HDAC5: variants seen among roughly 807,000 people sequenced by gnomAD.
The protein encoded by HDAC5 is antigen NY-CO-9.
In HDAC5, 25 loss-of-function variants were observed where a neutral mutation model predicts 133.3. The observed-to-expected ratio is 0.19, with a 90% confidence interval of 0.14 to 0.26. The LOEUF (loss-of-function observed/expected upper bound fraction) is 0.26. HDAC5 is among the 10% of genes least tolerant of loss of function. The probability of loss-of-function intolerance (pLI) is 1.00; values close to 1 mark genes in which losing one functional copy is unlikely to be tolerated. For missense variants in HDAC5, 1,041 were observed against 1,460.5 expected (o/e 0.71, Z 4.68); for synonymous variants, 589 against 610.8 (o/e 0.96, Z 0.53).
At chr17:44,093,893 C>G in intron 3 of HDAC5, 59 bp from the exon 4 acceptor site, 1 of 1,439,358 alleles carries the variant, frequency 6.9e-7, no homozygotes, top group African/African-American at 1.4e-5. Context: ...CCAGTCATGC[C>G]TGAGGCCCAA....
At chr17:44,120,840 A>G (rs1046373233) in intron 1 of HDAC5, among the ~76,000 whole-genome samples, 1 of 151,672 alleles carries the variant, frequency 6.6e-6, no homozygotes, top group African/African-American at 2.4e-5. Flanking sequence ...ACAGCCTACC[A>G]CTTTCCTCAG....
intron 11 of HDAC5, among the ~76,000 whole-genome samples, chr17:44,090,851 G>A (rs981937882): frequency 3.3e-5 from 5 of 151,580 alleles, no homozygotes; most frequent in African/African-American, 4.8e-5. Context: ...CACCACGCCC[G>A]GCTAATTTTT....
At chr17:44,087,262 C>T (rs1218692622) in intron 13 of HDAC5, 150 bp downstream of exon 13, 3 of 592,518 alleles carry the variant, frequency 5.1e-6, no homozygotes, top group African/African-American at 1.8e-5. Context: ...CACCGGCCTC[C>T]TTCCCACTCC....
At chr17:44,099,040 C>T (rs868643866) in intron 3 of HDAC5, among the ~76,000 whole-genome samples, 9 of 152,054 alleles carry the variant, frequency 5.9e-5, no homozygotes, top group Non-Finnish European at 1.0e-4. Context: ...CACTTGAACC[C>T]GGGAGGCAGA....
Position 44,095,885 on chromosome 17 carries a change from G to A in HDAC5, c.95-2051C>T, listed in dbSNP as rs530510926. 2.9e-4 allele frequency among the ~76,000 whole-genome samples: 44 copies of A among 152,230 alleles called. No individual in the cohort carries two copies. In the South Asian group the frequency reaches 8.7e-3, roughly 30 times the overall value. On this transcript the variant is annotated intron_variant, in intron 3 of 26. Transcript: ENST00000682912. ...CGGCTGGGGAGAGGAAGGCTGCTGG[G>A]GAGGGGAAGGCAGTGGAGGGCCTGC...
At position 44,084,693 on chromosome 17, in the gene HDAC5, A is replaced by G. The variant is rs752383475; in HGVS notation, c.2185-18T>C. 6 of 1,613,306 alleles carry G rather than the reference A, an allele frequency of 3.7e-6. No homozygotes were observed. In the East Asian group the frequency reaches 1.3e-4, roughly 36 times the overall value. On this transcript the variant is annotated intron_variant, in intron 15 of 26. Transcript: ENST00000682912. ...CGGATCCGCTGCCAGGAGGATCAGT[A>G]AGAGGGGTCACACAAAGGCACAGCT...
intron 10 of HDAC5, 59 bp from the exon 11 acceptor site, chr17:44,091,551 C>T: frequency 6.7e-7 from 1 of 1,490,808 alleles, no homozygotes; most frequent in Non-Finnish European, 9.0e-7. Flanking sequence ...GGACTAGCAT[C>T]CCCATCTACC....
chr17:44,098,833 C>T (rs1348959119), intron 3 of HDAC5, among the ~76,000 whole-genome samples: 1 of 150,374 alleles, frequency 6.7e-6, no homozygotes, highest in Non-Finnish European at 1.5e-5. Flanking sequence ...CACTGAAAGG[C>T]CAGGGAGAGC....
chr17:44,092,853 C>A, intron 6 of HDAC5, 47 bp from the exon 7 acceptor site: 1 of 803,856 alleles, frequency 1.2e-6, no homozygotes. Flanking sequence ...AGGTTATCAC[C>A]CAGTCTGCTG....
Position 44,078,495 on chromosome 17 carries a change from C to A in HDAC5, c.3329+5G>T. 1 of 1,603,454 alleles carries A rather than the reference C, an allele frequency of 6.2e-7. No individual in the cohort carries two copies. Among genetic ancestry groups the A allele is most frequent in the Admixed American group, 1.7e-5 (1 of 58,982 alleles). Reference sequence around the variant, plus strand: ...GGCAGAGAGGTGGTGCGGGTTGCTGCTTACCTGGGGCTGTGTTCCCGGGCT... The same window carrying A: ...GGCAGAGAGGTGGTGCGGGTTGCTGATTACCTGGGGCTGTGTTCCCGGGCT... On this transcript the variant is annotated splice_donor_5th_base_variant and intron_variant, in intron 26 of 26. Transcript: ENST00000682912.
chr17:44,087,324 G>T (rs765431031), intron 13 of HDAC5, 88 bp downstream of exon 13: 1 of 685,288 alleles, frequency 1.5e-6, no homozygotes, highest in Non-Finnish European at 2.7e-6. Context: ...AACTGCAGAT[G>T]GGGGAGAGGG....
At chr17:44,106,748 G>A (rs1020649519) in intron 3 of HDAC5, among the ~76,000 whole-genome samples, 2 of 151,856 alleles carry the variant, frequency 1.3e-5, no homozygotes, top group South Asian at 2.1e-4. Context: ...GCACCACGTC[G>A]GCTAATTTTT....
At chr17:44,111,546 A>T (rs2052345387) in intron 2 of HDAC5, 1 of 505,370 alleles carries the variant, frequency 2.0e-6, no homozygotes, top group Non-Finnish European at 3.9e-6. Context: ...GGAGACCAAG[A>T]AGCCAGACTC....
intron 2 of HDAC5, chr17:44,111,140 G>C (rs754682774): frequency 2.5e-6 from 1 of 404,296 alleles, no homozygotes; most frequent in Non-Finnish European, 4.8e-6. Flanking sequence ...CTTGGGACAG[G>C]AAGGGGAGCT....
chr17:44,106,516 C>T (rs932545759), intron 3 of HDAC5, among the ~76,000 whole-genome samples: 2 of 152,040 alleles, frequency 1.3e-5, no homozygotes, highest in Non-Finnish European at 2.9e-5. Flanking sequence ...AAGCTCCAAT[C>T]GCCAGGCCAT....
chr17:44,078,757 C>T (rs1159111281), intron 25 of HDAC5, 38 bp downstream of exon 25: 2 of 1,612,240 alleles, frequency 1.2e-6, no homozygotes, highest in Non-Finnish European at 8.5e-7. Context: ...CTCCGTGCCC[C>T]CTTGGCAGCC....
rs761825932 is a variant in HDAC5, at chr17:44,091,727, C to T, written c.1137G>A (p.Thr379=). The stretch of plus-strand genomic sequence containing the variant: ...TGAGGTGTGAGTTGGTGACAGTGAC[C>T]GTGGCCTGCAGCCCTAGGGAGATGT... ...LPNISLGLQA[T]VTVTNSHLTA... Residue 379 remains threonine, a synonymous_variant, in exon 10 of 27, where the codon ACG becomes ACA. Coordinates refer to ENST00000682912, the MANE Select transcript of HDAC5 (RefSeq NM_005474.5). 23 of 1,584,854 alleles carry T rather than the reference C, an allele frequency of 1.5e-5. No individual in the cohort carries two copies. Among genetic ancestry groups the T allele is most frequent in the Non-Finnish European group, 1.9e-5 (22 of 1,166,084 alleles).
At chr17:44,087,019 CGGAGG>C (rs1487493485) in intron 13 of HDAC5, among the ~76,000 whole-genome samples, 2 of 151,090 alleles carry the variant, frequency 1.3e-5, no homozygotes, top group Non-Finnish European at 3.0e-5. Context: ...GAGTCAGGCC[CGGAGG>C]GCTCGGCTGT....
At chr17:44,123,260 G>C (rs2053122384) in intron 1 of HDAC5, 1 of 303,648 alleles carries the variant, frequency 3.3e-6, no homozygotes, top group Admixed American at 5.1e-5. Flanking sequence ...TTACCTGTAG[G>C]GAAGGCGCCC....
Sources: gnomAD v4.1 joint callset for allele counts (sites outside exome capture counted in the v4.1 genomes callset) on GRCh38, gnomAD v4.1.1 for gene constraint, MANE v1.5 for transcripts, NCBI Gene and HGNC (gene_info 2026-07-23, HGNC 2026-07-21) for gene names.